CNTNAP2: variants seen among roughly 807,000 people sequenced by gnomAD.
CNTNAP2 encodes contactin-associated protein-like 2.
Under a neutral mutation model 155.2 loss-of-function variants are expected in CNTNAP2, and 98 were observed. That is an observed-to-expected ratio of 0.63 (90% CI 0.54 to 0.75). The LOEUF is 0.75. Ranked by LOEUF, CNTNAP2 falls within the 30% of genes least tolerant of loss-of-function variation. The pLI is 0.00. For missense variants in CNTNAP2, 1,727 were observed against 1,688.1 expected (o/e 1.02, Z -0.40); for synonymous variants, 651 against 631.2 (o/e 1.03, Z -0.47).
At chr7:146,613,370 C>A (rs1799171193) in intron 1 of CNTNAP2, among the ~76,000 whole-genome samples, 1 of 152,100 alleles carries the variant, frequency 6.6e-6, no homozygotes, top group South Asian at 2.1e-4. Flanking sequence ...AAAATTAAGT[C>A]TTCATGATTT....
At chr7:146,695,386 T>C (rs1309935039) in intron 1 of CNTNAP2, among the ~76,000 whole-genome samples, 1 of 150,674 alleles carries the variant, frequency 6.6e-6, no homozygotes, top group African/African-American at 2.4e-5. Flanking sequence ...TAAATTACAT[T>C]GATTTTTAAA....
At chr7:148,195,870 C>A (rs2116723914) in intron 18 of CNTNAP2, among the ~76,000 whole-genome samples, 1 of 152,028 alleles carries the variant, frequency 6.6e-6, no homozygotes, top group Admixed American at 6.6e-5. Context: ...GCAATTGAAC[C>A]ACAATAAAGA....
At chr7:146,586,456 A>G (rs1489906837) in intron 1 of CNTNAP2, among the ~76,000 whole-genome samples, 1 of 152,164 alleles carries the variant, frequency 6.6e-6, no homozygotes, top group Non-Finnish European at 1.5e-5. Context: ...CTGACTCCCT[A>G]CAATATTCTA....
intron 11 of CNTNAP2, among the ~76,000 whole-genome samples, chr7:147,535,564 C>A (rs1458462943): frequency 6.6e-6 from 1 of 152,084 alleles, no homozygotes; most frequent in Non-Finnish European, 1.5e-5. Flanking sequence ...CAGATTCTTC[C>A]CGGGTTCTTG....
chr7:146,737,531 G>A (rs1801641296), intron 1 of CNTNAP2, among the ~76,000 whole-genome samples: 1 of 152,046 alleles, frequency 6.6e-6, no homozygotes, highest in East Asian at 1.9e-4. Context: ...CAGGTATAAC[G>A]GGTTATGCAT....
intron 1 of CNTNAP2, among the ~76,000 whole-genome samples, chr7:146,586,340 G>C (rs1798690887): frequency 2.0e-5 from 3 of 151,986 alleles, no homozygotes; most frequent in Admixed American, 1.3e-4. Flanking sequence ...GGAAAATTCA[G>C]AATACTTAGC....
intron 13 of CNTNAP2, among the ~76,000 whole-genome samples, chr7:147,775,945 T>C (rs1300379727): frequency 6.6e-6 from 1 of 152,178 alleles, no homozygotes. Context: ...AGGGAATGGA[T>C]TTGTTTTGTA....
At chr7:147,832,605 ATATAT>A (rs201560022) in intron 13 of CNTNAP2, among the ~76,000 whole-genome samples, 225 of 146,106 alleles carry the variant, frequency 1.5e-3, no homozygotes, top group African/African-American at 5.3e-3. Context: ...TTACGTTTCA[ATATAT>A]TATATTTTTA....
At chr7:146,658,701 C>G (rs116105474) in intron 1 of CNTNAP2, among the ~76,000 whole-genome samples, 1 of 152,222 alleles carries the variant, frequency 6.6e-6, no homozygotes, top group South Asian at 2.1e-4. Context: ...ATTTATGAGT[C>G]AAATGCTAAG....
intron 12 of CNTNAP2, among the ~76,000 whole-genome samples, chr7:147,567,115 G>A (rs941895830): frequency 6.6e-6 from 1 of 151,590 alleles, no homozygotes; most frequent in Admixed American, 6.5e-5. Context: ...TAAGGATGCT[G>A]CATAGACAGC....
chr7:147,658,808 C>T (rs1222947104), intron 13 of CNTNAP2, among the ~76,000 whole-genome samples: 1 of 152,112 alleles, frequency 6.6e-6, no homozygotes, highest in Non-Finnish European at 1.5e-5. Flanking sequence ...TCCCACTGAC[C>T]CTTTGTTTTT....
intron 1 of CNTNAP2, among the ~76,000 whole-genome samples, chr7:146,698,027 G>A (rs1468184095): frequency 6.6e-6 from 1 of 152,016 alleles, no homozygotes; most frequent in Non-Finnish European, 1.5e-5. Context: ...AATAATCCAA[G>A]TCCACTTTCA....
intron 16 of CNTNAP2, among the ~76,000 whole-genome samples, chr7:148,129,236 C>T (rs1017387183): frequency 3.3e-5 from 5 of 151,904 alleles, no homozygotes; most frequent in African/African-American, 1.2e-4. Context: ...TACATAGTCA[C>T]GGGCATTTTA....
intron 1 of CNTNAP2, among the ~76,000 whole-genome samples, chr7:146,210,095 A>G (rs747910041): frequency 6.6e-6 from 1 of 152,146 alleles, no homozygotes; most frequent in Non-Finnish European, 1.5e-5. Context: ...TCATGTTTTT[A>G]ATAGACATTT....
At chr7:147,967,608 C>T (rs1801242918) in intron 14 of CNTNAP2, among the ~76,000 whole-genome samples, 1 of 152,126 alleles carries the variant, frequency 6.6e-6, no homozygotes, top group South Asian at 2.1e-4. Flanking sequence ...AGTCTATTAC[C>T]TCTGAAAAAT....
At chr7:146,537,974 A>G (rs1405179) in intron 1 of CNTNAP2, among the ~76,000 whole-genome samples, 53,923 of 151,842 alleles carry the variant, frequency 0.36, 9,825 homozygotes, top group East Asian at 0.51. Flanking sequence ...ACACAGGAAT[A>G]ACATAATCTG....
chr7:146,264,638 G>A (rs191038327), intron 1 of CNTNAP2, among the ~76,000 whole-genome samples: 42 of 152,122 alleles, frequency 2.8e-4, no homozygotes, highest in Non-Finnish European at 2.2e-4. Flanking sequence ...ATAGCACGTG[G>A]GGTTATCTGA....
chr7:147,402,981 G>A (rs1337390774), intron 10 of CNTNAP2, among the ~76,000 whole-genome samples: 1 of 148,226 alleles, frequency 6.7e-6, no homozygotes. Context: ...ACTAGTTTAG[G>A]TCAGACATGC....
At chr7:147,436,508 G>A (rs1797549814) in intron 10 of CNTNAP2, among the ~76,000 whole-genome samples, 1 of 152,100 alleles carries the variant, frequency 6.6e-6, no homozygotes, top group Non-Finnish European at 1.5e-5. Context: ...AGATGAGTGT[G>A]AAAATTACAA....
Sources: gnomAD v4.1 joint callset for allele counts (sites outside exome capture counted in the v4.1 genomes callset) on GRCh38, gnomAD v4.1.1 for gene constraint, MANE v1.5 for transcripts, NCBI Gene and HGNC (gene_info 2026-07-23, HGNC 2026-07-21) for gene names.